The following GRID1 variants were observed in gnomAD, a reference collection of about 807,000 sequenced individuals.
The protein encoded by GRID1 is glutamate receptor ionotropic, delta-1.
GRID1 carries 28 observed loss-of-function variants against 98.0 expected under a neutral mutation model. That is an observed-to-expected ratio of 0.29 (90% CI 0.21 to 0.39). The LOEUF is 0.39. Ranked by LOEUF, GRID1 falls within the 10% of genes least tolerant of loss-of-function variation. The pLI is 1.00. For synonymous variants in GRID1, 553 were observed against 538.5 expected (o/e 1.03, Z -0.37); for missense variants, 1,111 against 1,340.5 (o/e 0.83, Z 2.67).
rs138922285 is a variant in GRID1 at position 85,816,893 on chromosome 10, T to C, written c.1233+37603A>G. Reference sequence around the variant, plus strand: ...CTCAAGTAGACCCCAGAATCTGTTGTTCCCCTCCTAGCAGCCATGTGTTCT... The same window carrying C: ...CTCAAGTAGACCCCAGAATCTGTTGCTCCCCTCCTAGCAGCCATGTGTTCT... On this transcript the variant is annotated intron_variant, in intron 8 of 15. Coordinates refer to ENST00000327946, the MANE Select transcript of GRID1 (RefSeq NM_017551.3). 1.5e-4 allele frequency among the ~76,000 whole-genome samples: 23 copies of C among 152,290 alleles called. No individual in the cohort carries two copies. The East Asian group carries it at 4.2e-3, about 28-fold the overall frequency.
chr10:85,794,343 T>C (rs1053125890), intron 8 of GRID1, among the ~76,000 whole-genome samples: 16 of 152,234 alleles, frequency 1.1e-4, no homozygotes, highest in Admixed American at 9.2e-4. Context: ...TCCCTGAGAT[T>C]GAATCTCAGA....
chr10:85,705,725 C>T (rs553451808), intron 12 of GRID1, among the ~76,000 whole-genome samples: 7 of 152,204 alleles, frequency 4.6e-5, no homozygotes, highest in Non-Finnish European at 7.4e-5. Flanking sequence ...ATTGGCAAAC[C>T]GAATCCAGCA....
intron 2 of GRID1, among the ~76,000 whole-genome samples, chr10:86,320,967 G>T (rs1468626225): frequency 3.3e-5 from 5 of 152,060 alleles, no homozygotes; most frequent in Middle Eastern, 3.2e-3. Context: ...GGGCGTGGTG[G>T]TGGGCTCCTG....
chr10:85,930,180 TTTATAACTACAAATAACTTGCG>T (rs1841829883), intron 4 of GRID1, among the ~76,000 whole-genome samples: 3 of 152,020 alleles, frequency 2.0e-5, no homozygotes, highest in African/African-American at 7.2e-5. Context: ...CTTGCGGTTA[TTTATAACTACAAATAACTTGCG>T]GTTATTTTTA....
Position 85,743,113 on chromosome 10 carries a change from C to CCCCA in GRID1, c.1234-13503_1234-13500dup, listed in dbSNP as rs1554828638. Among the ~76,000 whole-genome samples the CCCCA allele has an allele frequency of 4.5e-5, 6 of 134,178 alleles. 1 individual carries two copies. The highest frequency in any genetic ancestry group is 9.9e-5 in the Non-Finnish European group (6 of 60,384). 88.0% of individuals were successfully genotyped at this position (134,178 alleles called of 152,430 possible). A position where few individuals can be genotyped will look rare whatever the true frequency, so the allele number is the denominator to read the frequency against. ...GAGGATAGAATTATGCAGCCCCCCC[C>CCCCA]CCCACCACCCATTGAGAACCAATTA... On this transcript the variant is annotated intron_variant, in intron 8 of 15. Coordinates refer to ENST00000327946, the MANE Select transcript of GRID1 (RefSeq NM_017551.3).
At position 85,929,190 on chromosome 10, in the gene GRID1, G is replaced by A. The variant is rs143595172; in HGVS notation, c.727-12951C>T. Among the ~76,000 whole-genome samples, 7 of 152,328 alleles carry A rather than the reference G, an allele frequency of 4.6e-5. No homozygotes were observed. The East Asian group carries it at 1.3e-3, about 29-fold the overall frequency. On this transcript the variant is annotated intron_variant, in intron 4 of 15. Transcript: ENST00000327946. ...AGGATTTTGTCTACCCCATATCAGA[G>A]AGTCTTTGGTGTGTGGAGATGCCCA... is the stretch of plus-strand genomic sequence containing the variant.
rs985856519 is a variant in GRID1 at position 86,340,512 on chromosome 10, C to T, written c.235+23429G>A. ...CTCTGAGGCAAGAAGCCAATACAGA[C>T]GTCCACAAGGGGAATATCAAGGGGT... On this transcript the variant is annotated intron_variant, in intron 2 of 15. Transcript: ENST00000327946. Among the ~76,000 whole-genome samples, 7 of 152,138 alleles carry T rather than the reference C, an allele frequency of 4.6e-5. No homozygotes were observed. In the South Asian group the frequency reaches 8.3e-4, roughly 18 times the overall value.
At chr10:85,855,565 A>G (rs1880385) in intron 7 of GRID1, among the ~76,000 whole-genome samples, 62,825 of 152,154 alleles carry the variant, frequency 0.41, 15,066 homozygotes, top group Non-Finnish European at 0.53. Flanking sequence ...AGCCTCTAAA[A>G]GTGAATTCAC....
intron 4 of GRID1, among the ~76,000 whole-genome samples, chr10:86,136,419 C>T (rs892905669): frequency 5.9e-5 from 9 of 152,206 alleles, no homozygotes; most frequent in Non-Finnish European, 1.3e-4. Flanking sequence ...GTGCTGTACA[C>T]TGATATTCCT....
intron 2 of GRID1, among the ~76,000 whole-genome samples, chr10:86,247,792 C>T (rs1426493515): frequency 2.0e-5 from 3 of 152,132 alleles, no homozygotes; most frequent in Middle Eastern, 3.2e-3. Context: ...AGCACCCAGC[C>T]ATGAACTAGA....
At chr10:86,359,416 T>G (rs1017554849) in intron 2 of GRID1, among the ~76,000 whole-genome samples, 13 of 152,098 alleles carry the variant, frequency 8.5e-5, no homozygotes, top group African/African-American at 2.9e-4. Context: ...GGTGACCACC[T>G]AGGAGGTAAC....
intron 2 of GRID1, among the ~76,000 whole-genome samples, chr10:86,232,219 G>A (rs12784985): frequency 0.07 from 10,722 of 152,204 alleles, 815 homozygotes; most frequent in South Asian, 0.21. Context: ...GGGGAATAAC[G>A]CAGCCGTTGT....
chr10:85,775,026 C>A (rs534313520), intron 8 of GRID1, among the ~76,000 whole-genome samples: 1 of 152,052 alleles, frequency 6.6e-6, no homozygotes, highest in African/African-American at 2.4e-5. Context: ...CACATGCAGA[C>A]GTATGTTTAT....
chr10:85,792,042 C>G (rs1221864574), intron 8 of GRID1, among the ~76,000 whole-genome samples: 1 of 152,126 alleles, frequency 6.6e-6, no homozygotes, highest in Non-Finnish European at 1.5e-5. Context: ...GTTCTGGAAG[C>G]CTAAGTGTAT....
rs954922395 is a variant in GRID1 at position 86,082,129 on chromosome 10, A to C, written c.726+56690T>G. ...ATGGATCTCACTGTACTTTTTCCTC[A>C]ATTTTTCTGTAAACACGAAACTGCT... On this transcript the variant is annotated intron_variant, in intron 4 of 15. Transcript: ENST00000327946. Among the ~76,000 whole-genome samples, 12 of 152,236 alleles carry C rather than the reference A, an allele frequency of 7.9e-5. 1 individual carries two copies. The highest frequency in any genetic ancestry group is 2.9e-5 in the Non-Finnish European group (2 of 68,046).
intron 2 of GRID1, among the ~76,000 whole-genome samples, chr10:86,218,353 C>T (rs1242303830): frequency 6.6e-6 from 1 of 152,082 alleles, no homozygotes; most frequent in Non-Finnish European, 1.5e-5. Flanking sequence ...CAGGATGCCC[C>T]CTGCTAGGCC....
chr10:86,338,155 C>T (rs555268012), intron 2 of GRID1, among the ~76,000 whole-genome samples: 21 of 152,276 alleles, frequency 1.4e-4, no homozygotes, highest in South Asian at 4.1e-4. Context: ...TACTCCCATC[C>T]CTGGTAACAC....
At chr10:86,178,436 C>A (rs561370796) in intron 3 of GRID1, among the ~76,000 whole-genome samples, 4 of 152,096 alleles carry the variant, frequency 2.6e-5, no homozygotes, top group Non-Finnish European at 4.4e-5. Context: ...CCAGAGGCAA[C>A]CTGGCCTGAT....
At chr10:86,216,367 C>T (rs1846176738) in intron 2 of GRID1, among the ~76,000 whole-genome samples, 2 of 152,196 alleles carry the variant, frequency 1.3e-5, no homozygotes, top group Non-Finnish European at 2.9e-5. Flanking sequence ...CTAGGGAAAT[C>T]ATTTGAAATA....
Sources: gnomAD v4.1 joint callset for allele counts (sites outside exome capture counted in the v4.1 genomes callset) on GRCh38, gnomAD v4.1.1 for gene constraint, MANE v1.5 for transcripts, NCBI Gene and HGNC (gene_info 2026-07-23, HGNC 2026-07-21) for gene names.